The following GABRB3 variants were observed in gnomAD, a reference collection of about 807,000 sequenced individuals.
GABRB3 encodes the protein gamma-aminobutyric acid type A receptor subunit beta3, also known as gamma-aminobutyric acid receptor subunit beta-3.
In GABRB3, 14 loss-of-function variants were observed where a neutral mutation model predicts 52.1. The observed-to-expected ratio is 0.27, with a 90% CI of 0.18 to 0.42. The LOEUF is 0.42. GABRB3 is among the 10% of genes least tolerant of loss of function. The probability of loss-of-function intolerance (pLI) is 1.00; values close to 1 mark genes in which losing one functional copy is unlikely to be tolerated. For synonymous variants in GABRB3, 260 were observed against 232.3 expected, an observed-to-expected ratio of 1.12 and a Z score of -1.08; for missense variants, 307 against 609.1, an observed-to-expected ratio of 0.50 and a Z score of 5.22.
At chr15:26,750,472 A>T (rs1452218715) in intron 3 of GABRB3, among the ~76,000 whole-genome samples, 1 of 152,192 alleles carries the variant, frequency 6.6e-6, no homozygotes, top group African/African-American at 2.4e-5. Flanking sequence ...GAAAGCATAA[A>T]TTATGCTTTA....
chr15:26,660,567 A>G (rs946157868), intron 3 of GABRB3, among the ~76,000 whole-genome samples: 14 of 152,204 alleles, frequency 9.2e-5, no homozygotes, highest in Admixed American at 9.2e-4. Flanking sequence ...GCGAAAGTCC[A>G]GGCCTGTTTA....
chr15:26,731,320 T>C (rs146446208), intron 3 of GABRB3, among the ~76,000 whole-genome samples: 1 of 152,338 alleles, frequency 6.6e-6, no homozygotes, highest in East Asian at 1.9e-4. Context: ...TTCAAAAGAC[T>C]GCTTCCCACC....
At chr15:26,577,384 G>A (rs1343993030) in intron 6 of GABRB3, among the ~76,000 whole-genome samples, 4 of 152,090 alleles carry the variant, frequency 2.6e-5, no homozygotes, top group African/African-American at 9.7e-5. Flanking sequence ...ATGGTGGCAT[G>A]TGCTTGCAAT....
intron 8 of GABRB3, among the ~76,000 whole-genome samples, chr15:26,558,707 A>G (rs1889850744): frequency 1.3e-5 from 2 of 152,194 alleles, no homozygotes; most frequent in African/African-American, 4.8e-5. Flanking sequence ...GTTGGAGACC[A>G]GCCTGGCCAA....
intron 3 of GABRB3, among the ~76,000 whole-genome samples, chr15:26,691,870 AT>A (rs1356133980): frequency 6.6e-6 from 1 of 152,176 alleles, no homozygotes; most frequent in Non-Finnish European, 1.5e-5. Context: ...TTACAAATAT[AT>A]TGGTGTATCT....
intron 3 of GABRB3, among the ~76,000 whole-genome samples, chr15:26,768,249 GATTA>G (rs1891050592): frequency 1.3e-5 from 2 of 152,184 alleles, no homozygotes; most frequent in African/African-American, 4.8e-5. Context: ...AATTTTAATG[GATTA>G]ATTAAGTATG....
chr15:26,668,413 C>T (rs1887782270), intron 3 of GABRB3, among the ~76,000 whole-genome samples: 1 of 152,190 alleles, frequency 6.6e-6, no homozygotes, highest in Non-Finnish European at 1.5e-5. Context: ...CTACATGAGG[C>T]CGGGAATGCC....
intron 3 of GABRB3, among the ~76,000 whole-genome samples, chr15:26,714,080 T>C (rs1011258229): frequency 6.6e-6 from 1 of 152,200 alleles, no homozygotes; most frequent in Admixed American, 6.5e-5. Context: ...TGTCACTGCA[T>C]TCAAACACAC....
intron 4 of GABRB3, among the ~76,000 whole-genome samples, chr15:26,603,645 C>G (rs773733626): frequency 6.6e-6 from 1 of 152,098 alleles, no homozygotes; most frequent in South Asian, 2.1e-4. Context: ...ATGTGACACA[C>G]TGTGTCAACA....
rs933729675 is a variant in GABRB3 at position 26,621,358 on chromosome 15, G to A, written c.417C>T (p.Arg139=). The A allele has an allele frequency of 1.2e-4, 192 of 1,613,954 alleles. No homozygotes were observed. The highest frequency in any genetic ancestry group is 1.6e-4 in the Non-Finnish European group (190 of 1,180,028). Residue 139 remains arginine, a synonymous_variant, in exon 4 of 9, where the codon CGC becomes CGT. Coordinates refer to ENST00000311550, the MANE Select transcript of GABRB3 (RefSeq NM_000814.6). This position sits in a 1 kb window ranked among gnomAD's most constrained non-coding sequence, Gnocchi z 4.1. ...TCCCATCAGGGTGAAGACGGATCAT[G>A]CGGTTTTTCACTGTCACTCCATGCA... ...SFVHGVTVKN[R]MIRLHPDGTV...
At chr15:26,681,618 A>C (rs10873637) in intron 3 of GABRB3, among the ~76,000 whole-genome samples, 111,926 of 152,108 alleles carry the variant, frequency 0.74, 41,425 homozygotes, top group Admixed American at 0.81. Flanking sequence ...CTAATTAATG[A>C]CAGGCATTCC....
At chr15:26,725,747 GA>G (rs1450989153) in intron 3 of GABRB3, among the ~76,000 whole-genome samples, 2 of 152,156 alleles carry the variant, frequency 1.3e-5, no homozygotes, top group Admixed American at 6.5e-5. Context: ...GTCTAAGCAT[GA>G]AATTCATTTA....
intron 3 of GABRB3, among the ~76,000 whole-genome samples, chr15:26,661,695 G>A (rs1325520672): frequency 2.6e-5 from 4 of 152,140 alleles, no homozygotes; most frequent in South Asian, 2.1e-4. Context: ...AGTGGGGATC[G>A]GAAGGGGTCT....
intron 3 of GABRB3, among the ~76,000 whole-genome samples, chr15:26,690,637 C>T (rs995150997): frequency 2.6e-5 from 4 of 151,844 alleles, no homozygotes; most frequent in African/African-American, 2.4e-5. Flanking sequence ...AGACGGCTGG[C>T]ATTTGCTCAT....
At chr15:26,667,905 G>A (rs1887766132) in intron 3 of GABRB3, among the ~76,000 whole-genome samples, 1 of 152,212 alleles carries the variant, frequency 6.6e-6, no homozygotes, top group Non-Finnish European at 1.5e-5. Context: ...CAAGCTCAGA[G>A]CAGCAGGCCA....
chr15:26,674,062 C>T (rs1178764482), intron 3 of GABRB3, among the ~76,000 whole-genome samples: 3 of 151,728 alleles, frequency 2.0e-5, no homozygotes, highest in Non-Finnish European at 2.9e-5. Context: ...TATTTAACCC[C>T]CCCCTTTTTT....
intron 3 of GABRB3, among the ~76,000 whole-genome samples, chr15:26,695,366 G>A (rs555252914): frequency 2.6e-5 from 4 of 152,208 alleles, no homozygotes; most frequent in African/African-American, 9.6e-5. Context: ...GTGAAGAGCT[G>A]GAAGAAAGTC....
chr15:26,627,129 A>G (rs1595495133), intron 3 of GABRB3, among the ~76,000 whole-genome samples: 1 of 152,234 alleles, frequency 6.6e-6, no homozygotes, highest in East Asian at 1.9e-4. Flanking sequence ...GCCTATGCTC[A>G]AAAAATCCAA....
intron 6 of GABRB3, among the ~76,000 whole-genome samples, chr15:26,576,647 G>T (rs1489331689): frequency 6.6e-6 from 1 of 152,014 alleles, no homozygotes; most frequent in Non-Finnish European, 1.5e-5. Flanking sequence ...GAGAGAGAAA[G>T]AAAAAAGAGA....
Sources: allele counts gnomAD v4.1 joint callset (sites outside exome capture counted in the v4.1 genomes callset), GRCh38; gene constraint gnomAD v4.1.1; non-coding constraint Gnocchi (gnomAD v3.1); transcripts MANE v1.5; gene names NCBI Gene and HGNC (gene_info 2026-07-23, HGNC 2026-07-21).